The following DLG5 variants were observed in gnomAD, a reference collection of about 807,000 sequenced individuals.
The protein encoded by DLG5 is discs large MAGUK scaffold protein 5.
DLG5 carries 48 observed loss-of-function variants against 189.8 expected under a neutral mutation model. The ratio of observed to expected loss-of-function variants is 0.25; its 90% CI spans 0.20 to 0.32. DLG5 has a LOEUF of 0.32. Among genes scored for constraint, DLG5 ranks in the 10% least tolerant of loss-of-function variants. The probability of loss-of-function intolerance (pLI) is 1.00; values close to 1 mark genes in which losing one functional copy is unlikely to be tolerated. For synonymous variants in DLG5, 1,016 were observed against 1,054.1 expected, an observed-to-expected ratio of 0.96 and a Z score of 0.70; for missense variants, 2,160 against 2,544.7, an observed-to-expected ratio of 0.85 and a Z score of 3.25.
intron 7 of DLG5, among the ~76,000 whole-genome samples, chr10:77,837,095 G>C (rs925695280): frequency 6.6e-6 from 1 of 151,468 alleles, no homozygotes; most frequent in East Asian, 1.9e-4. Context: ...TGTGCCTGTG[G>C]TCCCAGCTAC....
intron 1 of DLG5, among the ~76,000 whole-genome samples, chr10:77,888,668 C>T (rs1350702165): frequency 6.6e-6 from 1 of 152,182 alleles, no homozygotes; most frequent in East Asian, 1.9e-4. Flanking sequence ...CCAAATCCAC[C>T]TGCGCACCAA....
At chr10:77,795,011 C>T in intron 29 of DLG5, 53 bp from the exon 30 acceptor site, 2 of 1,491,236 alleles carry the variant, frequency 1.3e-6, no homozygotes, top group Non-Finnish European at 1.9e-6. Context: ...GGCAGCCAGC[C>T]CCCTGTCCTG....
At chr10:77,846,319 C>G (rs1438633756) in intron 5 of DLG5, among the ~76,000 whole-genome samples, 1 of 152,246 alleles carries the variant, frequency 6.6e-6, no homozygotes, top group Non-Finnish European at 1.5e-5. Flanking sequence ...TCTGGTCAAC[C>G]AACGCCTTCT....
At chr10:77,839,973 A>G (rs184174102) in intron 7 of DLG5, among the ~76,000 whole-genome samples, 387 of 152,370 alleles carry the variant, frequency 2.5e-3, no homozygotes, top group Non-Finnish European at 4.4e-3. Context: ...TCAGACGGGC[A>G]TAATAATGAA....
chr10:77,853,901 G>C (rs1246132479), intron 4 of DLG5, among the ~76,000 whole-genome samples: 1 of 152,184 alleles, frequency 6.6e-6, no homozygotes, highest in Non-Finnish European at 1.5e-5. Flanking sequence ...AACACCCCTT[G>C]GGCCTACCCT....
chr10:77,916,450 C>A (rs538525073), intron 1 of DLG5, among the ~76,000 whole-genome samples: 1 of 152,120 alleles, frequency 6.6e-6, no homozygotes, highest in African/African-American at 2.4e-5. Flanking sequence ...AACCACCACG[C>A]CCGGCTAAAT....
chr10:77,863,216 C>T (rs1460662560), intron 2 of DLG5, among the ~76,000 whole-genome samples: 1 of 152,050 alleles, frequency 6.6e-6, no homozygotes, highest in Admixed American at 6.6e-5. Flanking sequence ...CTCAGCCTCC[C>T]AAGCAGCTGG....
At chr10:77,840,157 C>A (rs1242277626) in intron 7 of DLG5, among the ~76,000 whole-genome samples, 1 of 151,966 alleles carries the variant, frequency 6.6e-6, no homozygotes, top group Non-Finnish European at 1.5e-5. Flanking sequence ...GCAGGAGGAT[C>A]GCTTGAGCCC....
intron 5 of DLG5, among the ~76,000 whole-genome samples, chr10:77,846,436 C>T (rs139039028): frequency 2.6e-5 from 4 of 151,438 alleles, no homozygotes; most frequent in African/African-American, 7.3e-5. Flanking sequence ...CAGTGGCTCA[C>T]GCCTGTAATC....
intron 1 of DLG5, among the ~76,000 whole-genome samples, chr10:77,876,538 C>G (rs1040120113): frequency 6.6e-6 from 1 of 151,668 alleles, no homozygotes; most frequent in Admixed American, 6.6e-5. Context: ...CCATGCCTGG[C>G]TATTTTGTAT....
chr10:77,851,429 C>G (rs1589216363), intron 5 of DLG5, among the ~76,000 whole-genome samples: 1 of 152,192 alleles, frequency 6.6e-6, no homozygotes, highest in East Asian at 1.9e-4. Flanking sequence ...GCACCACCCC[C>G]ACCTCCTGAA....
intron 1 of DLG5, among the ~76,000 whole-genome samples, chr10:77,889,928 C>A (rs1370037033): frequency 6.6e-6 from 1 of 152,010 alleles, no homozygotes; most frequent in African/African-American, 2.4e-5. Context: ...TGGTGAGCAT[C>A]CCAAAAGTGC....
intron 2 of DLG5, chr10:77,867,071 T>C (rs1417661708): frequency 8.8e-6 from 4 of 456,836 alleles, no homozygotes; most frequent in African/African-American, 2.0e-5. Context: ...ACAGAGATAC[T>C]GTTGACGGCT....
At chr10:77,822,600 G>A (rs531886597) in intron 14 of DLG5, among the ~76,000 whole-genome samples, 40 of 152,124 alleles carry the variant, frequency 2.6e-4, no homozygotes, top group South Asian at 1.7e-3. Context: ...CTAAGATCAC[G>A]CCACTGCACT....
At chr10:77,854,571 C>T (rs975778203) in intron 3 of DLG5, among the ~76,000 whole-genome samples, 3 of 152,174 alleles carry the variant, frequency 2.0e-5, no homozygotes, top group African/African-American at 7.2e-5. Context: ...TGGAGGGAGC[C>T]GTGGTTGCCT....
intron 1 of DLG5, among the ~76,000 whole-genome samples, chr10:77,925,816 G>A (rs1006390274): frequency 2.0e-5 from 3 of 152,150 alleles, no homozygotes; most frequent in African/African-American, 7.2e-5. Flanking sequence ...TAGGGGTCCT[G>A]GCCCAAGTCC....
Position 77,829,502 on chromosome 10 carries a change from C to T in DLG5, c.2038G>A (p.Asp680Asn), listed in dbSNP as rs200259340. Residue 680 changes from aspartate (D) to asparagine (N), a missense_variant, in exon 12 of 32, where the codon GAT becomes AAT. Transcript: ENST00000372391. ...TTGTCCTTGTTGATGAGGTCCACAT[C>T]GTTGATTCTCAGCAGCCAGTCATTG... ...RVNDWLLRIN[D>N]VDLINKDKKQ... 3.7e-5 allele frequency: 59 copies of T among 1,611,558 alleles called. No homozygotes were observed. Among genetic ancestry groups the T allele is most frequent in the Admixed American group, 1.5e-4 (9 of 59,782 alleles).
At position 77,926,534 on chromosome 10, in the gene DLG5, G is replaced by C. The variant is rs1589290090; in HGVS notation, c.-14C>G. ...CTGGGGCTCCATGGTGGCGGGCCGC[G>C]CCGCCCCGCCCCGCCGGACGCCTCC... On this transcript the variant is annotated 5_prime_UTR_variant, in exon 1 of 32. Coordinates refer to ENST00000372391, the MANE Select transcript of DLG5 (RefSeq NM_004747.4). The surrounding 1 kb of genome is among the most constrained non-coding windows in gnomAD (Gnocchi z 5.2). The C allele has an allele frequency of 3.2e-6, 4 of 1,260,090 alleles. No homozygotes were observed. The highest frequency in any genetic ancestry group is 4.2e-5 in the Admixed American group (1 of 23,796). 78.1% of individuals were successfully genotyped at this position (1,260,090 alleles called of 1,614,324 possible). A position where few individuals can be genotyped will look rare whatever the true frequency, so the allele number is the denominator to read the frequency against.
intron 27 of DLG5, among the ~76,000 whole-genome samples, chr10:77,802,680 CT>C (rs1465072265): frequency 6.6e-6 from 1 of 152,190 alleles, no homozygotes; most frequent in Admixed American, 6.5e-5. Context: ...AGGCGGCTCA[CT>C]TGAGGTCAGG....
Sources: gnomAD v4.1 joint callset for allele counts (sites outside exome capture counted in the v4.1 genomes callset) on GRCh38, gnomAD v4.1.1 for gene constraint, Gnocchi (gnomAD v3.1) non-coding constraint, MANE v1.5 for transcripts, NCBI Gene and HGNC (gene_info 2026-07-23, HGNC 2026-07-21) for gene names.